Variants in SFMBT2 observed in about 807,000 individuals in gnomAD.
SFMBT2 encodes Scm like with four mbt domains 2, also known as scm-like with four MBT domains protein 2.
Under a neutral mutation model 110.1 loss-of-function variants are expected in SFMBT2, and 38 were observed. The ratio of observed to expected loss-of-function variants is 0.35; its 90% confidence interval spans 0.27 to 0.45. The LOEUF (loss-of-function observed/expected upper bound fraction) is 0.45, where lower values mean the gene tolerates loss of function less well. SFMBT2 is among the 20% of genes least tolerant of loss of function. The pLI, the probability that SFMBT2 is intolerant of heterozygous loss-of-function variation, is 1.00. For missense variants in SFMBT2, 1,011 were observed against 1,094.9 expected, an observed-to-expected ratio of 0.92 and a Z score of 1.08; for synonymous variants, 425 against 425.4, an observed-to-expected ratio of 1.00 and a Z score of 0.01.
chr10:7,227,320 G>A (rs1839924991), intron 10 of SFMBT2, among the ~76,000 whole-genome samples: 1 of 152,220 alleles, frequency 6.6e-6, no homozygotes, highest in African/African-American at 2.4e-5. Flanking sequence ...CAGATGGCCA[G>A]CCGTCCACCA....
At chr10:7,337,473 T>C (rs1219437601) in intron 4 of SFMBT2, among the ~76,000 whole-genome samples, 1 of 152,194 alleles carries the variant, frequency 6.6e-6, no homozygotes, top group Non-Finnish European at 1.5e-5. Flanking sequence ...CTCCTTGGTC[T>C]TGTCATGGTA....
At chr10:7,263,228 A>ATTTCTTTTCT (rs139395535) in intron 7 of SFMBT2, among the ~76,000 whole-genome samples, 1,663 of 151,016 alleles carry the variant, frequency 0.011, 39 homozygotes, top group African/African-American at 0.037. Context: ...AACAGCCTCT[A>ATTTCTTTTCT]TTTCTTTTCT....
chr10:7,328,008 G>A (rs1051859776), intron 4 of SFMBT2, among the ~76,000 whole-genome samples: 1 of 152,186 alleles, frequency 6.6e-6, no homozygotes, highest in African/African-American at 2.4e-5. Context: ...GGGTTGTATG[G>A]TGGGTGTATG....
chr10:7,180,618 G>C (rs1044727203), intron 16 of SFMBT2, among the ~76,000 whole-genome samples: 1 of 152,164 alleles, frequency 6.6e-6, no homozygotes, highest in African/African-American at 2.4e-5. Flanking sequence ...GATGATCTCT[G>C]TCTTCTCAAT....
rs1302168173 is a variant in SFMBT2 at position 7,229,677 on chromosome 10, G to A, written c.1121-1740C>T. Among the ~76,000 whole-genome samples the A allele has an allele frequency of 1.1e-4, 17 of 150,070 alleles. No individual in the cohort carries two copies. In the East Asian group the frequency reaches 1.4e-3, roughly 12 times the overall value. On this transcript the variant is annotated intron_variant, in intron 9 of 20. Coordinates refer to ENST00000397167, the MANE Select transcript of SFMBT2 (RefSeq NM_001387889.1). ...ACTTGTATTCCCAAGCAAAGAATAC[G>A]AATTATTTTCAATAAGCAATCTCAA...
chr10:7,179,051 A>C (rs1838161250), intron 16 of SFMBT2, among the ~76,000 whole-genome samples: 1 of 151,964 alleles, frequency 6.6e-6, no homozygotes, highest in South Asian at 2.1e-4. Flanking sequence ...TATCAACGGC[A>C]AAAAAAATTA....
At position 7,186,421 on chromosome 10, in the gene SFMBT2, T is replaced by TAC. The variant is rs765272388; in HGVS notation, c.1808+2202_1808+2203insGT. ...TACATATACACATACATACATACTA[T>TAC]ATATACACACACACACACACACACA... On this transcript the variant is annotated intron_variant, in intron 16 of 20. Coordinates refer to ENST00000397167, the MANE Select transcript of SFMBT2 (RefSeq NM_001387889.1). 5.3e-3 allele frequency among the ~76,000 whole-genome samples: 411 copies of TAC among 77,410 alleles called. 2 individuals carry two copies. The highest frequency in any genetic ancestry group is 9.5e-3 in the Admixed American group (69 of 7,266). 50.8% of individuals were successfully genotyped at this position (77,410 alleles called of 152,430 possible). A position where few individuals can be genotyped will look rare whatever the true frequency, so the allele number is the denominator to read the frequency against.
chr10:7,171,480 G>A lies in SFMBT2; in HGVS notation c.2415+415C>T, dbSNP rs1212634347. 1.0e-6 allele frequency: 1 copy of A among 985,270 alleles called. No individual in the cohort carries two copies. The highest frequency in any genetic ancestry group is 1.2e-6 in the Non-Finnish European group (1 of 829,912). 61.0% of individuals were successfully genotyped at this position (985,270 alleles called of 1,614,324 possible). ...GATCTCACACCACCCATGGGGCTAG[G>A]GGAGACCTGAAACACTGATTAAATA... On this transcript the variant is annotated intron_variant, in intron 19 of 20. Transcript: ENST00000397167. This position sits in a 1 kb window ranked among gnomAD's most constrained non-coding sequence, Gnocchi z 4.9.
chr10:7,299,175 G>A lies in SFMBT2; in HGVS notation c.437-13221C>T, dbSNP rs147734799. ...CAATACTATTCAAGACACAGGTATGGGCAAGGACTTCATGACAAAAAAGCC... is the reference window on the plus strand; with the variant it reads ...CAATACTATTCAAGACACAGGTATGAGCAAGGACTTCATGACAAAAAAGCC... On this transcript the variant is annotated intron_variant, in intron 4 of 20. Coordinates refer to ENST00000397167, the MANE Select transcript of SFMBT2 (RefSeq NM_001387889.1). 3.3e-5 allele frequency among the ~76,000 whole-genome samples: 5 copies of A among 152,016 alleles called. No homozygotes were observed. The East Asian group carries it at 9.6e-4, about 29-fold the overall frequency.
At chr10:7,281,564 G>A (rs1006831661) in intron 6 of SFMBT2, among the ~76,000 whole-genome samples, 5 of 152,186 alleles carry the variant, frequency 3.3e-5, no homozygotes, top group African/African-American at 1.2e-4. Flanking sequence ...ACAAGTCACC[G>A]TGGGACTTGA....
rs1188399255 is a variant in SFMBT2, at chr10:7,301,717, T to C, written c.437-15763A>G. The stretch of plus-strand genomic sequence containing the variant: ...GAAACTGGTATTTCTTGACATGGGC[T>C]CCCCAGAAGTCACCTAGTATGAGAG... On this transcript the variant is annotated intron_variant, in intron 4 of 20. Coordinates refer to ENST00000397167, the MANE Select transcript of SFMBT2 (RefSeq NM_001387889.1). This position sits in a 1 kb window ranked among gnomAD's most constrained non-coding sequence, Gnocchi z 4.2. 6.6e-6 allele frequency among the ~76,000 whole-genome samples: 1 copy of C among 152,028 alleles called. No homozygotes were observed. Among genetic ancestry groups the C allele is most frequent in the Non-Finnish European group, 1.5e-5 (1 of 68,000 alleles).
At chr10:7,258,715 T>G (rs1489944841) in intron 7 of SFMBT2, among the ~76,000 whole-genome samples, 1 of 152,240 alleles carries the variant, frequency 6.6e-6, no homozygotes, top group East Asian at 1.9e-4. Flanking sequence ...CATTCTTCTT[T>G]TGTTTTACCA....
chr10:7,320,082 G>GAGAGAC (rs1337165557), intron 4 of SFMBT2, among the ~76,000 whole-genome samples: 1 of 151,970 alleles, frequency 6.6e-6, no homozygotes, highest in Non-Finnish European at 1.5e-5. Flanking sequence ...TAGAGACAGA[G>GAGAGAC]AGAGACAGAG....
chr10:7,205,692 T>G (rs1839108358), intron 12 of SFMBT2, 123 bp downstream of exon 12: 1 of 1,419,732 alleles, frequency 7.0e-7, no homozygotes, highest in Non-Finnish European at 9.3e-7. Context: ...CATGGGTTCT[T>G]GGTGGAAAAT....
intron 8 of SFMBT2, among the ~76,000 whole-genome samples, chr10:7,245,193 T>C (rs1272058273): frequency 6.6e-6 from 1 of 152,114 alleles, no homozygotes; most frequent in Non-Finnish European, 1.5e-5. Flanking sequence ...GCATTTAATA[T>C]GTAACATACT....
At chr10:7,220,874 T>A (rs537355619) in intron 10 of SFMBT2, among the ~76,000 whole-genome samples, 2,382 of 149,928 alleles carry the variant, frequency 0.016, 73 homozygotes, top group African/African-American at 0.054. Context: ...ATGCCCAGAC[T>A]GGAGTGCAGT....
At chr10:7,291,286 A>C (rs1176453636) in intron 4 of SFMBT2, among the ~76,000 whole-genome samples, 2 of 152,110 alleles carry the variant, frequency 1.3e-5, no homozygotes, top group African/African-American at 4.8e-5. Context: ...TCCCATCCCT[A>C]TGTGCTAGCA....
At chr10:7,394,622 T>A (rs930624474) in intron 1 of SFMBT2, among the ~76,000 whole-genome samples, 1 of 151,408 alleles carries the variant, frequency 6.6e-6, no homozygotes. Flanking sequence ...CTCTCCCCTG[T>A]CATTAATAAT....
intron 4 of SFMBT2, among the ~76,000 whole-genome samples, chr10:7,308,872 C>T (rs1161896146): frequency 6.6e-6 from 1 of 152,092 alleles, no homozygotes; most frequent in Non-Finnish European, 1.5e-5. Flanking sequence ...TAACTAATGC[C>T]GGATCAATAA....
Sources: allele counts gnomAD v4.1 joint callset (sites outside exome capture counted in the v4.1 genomes callset), GRCh38; gene constraint gnomAD v4.1.1; non-coding constraint Gnocchi (gnomAD v3.1); transcripts MANE v1.5; gene names NCBI Gene and HGNC (gene_info 2026-07-23, HGNC 2026-07-21).